Variants in UCMA observed in about 807,000 individuals in gnomAD.
UCMA encodes the protein upper zone of growth plate and cartilage matrix-associated protein.
A neutral mutation model predicts 21.8 loss-of-function variants in UCMA; 21 were observed. The observed-to-expected ratio is 0.97, with a 90% CI of 0.68 to 1.39. The LOEUF is 1.39. Among genes scored for constraint, UCMA ranks in the 40% most tolerant of loss-of-function variants. The pLI is 0.00. For missense variants in UCMA, 193 were observed against 178.9 expected, an observed-to-expected ratio of 1.08 and a Z score of -0.45; for synonymous variants, 76 against 67.9, an observed-to-expected ratio of 1.12 and a Z score of -0.58.
intron 4 of UCMA, among the ~76,000 whole-genome samples, chr10:13,226,928 T>C (rs1834830393): frequency 6.6e-6 from 1 of 152,196 alleles, no homozygotes; most frequent in Non-Finnish European, 1.5e-5. Flanking sequence ...CTAAAACATT[T>C]AAAACTGCTC....
chr10:13,229,813 A>T (rs1352509940), intron 3 of UCMA, 104 bp from the exon 4 acceptor site: 2 of 898,612 alleles, frequency 2.2e-6, no homozygotes, highest in Admixed American at 2.2e-5. Flanking sequence ...TGGTTGGGGG[A>T]TGAGTGGTTT....
chr10:13,234,345 GCC>G lies in UCMA; in HGVS notation c.-89_-88del. 1 of 1,418,142 alleles carries G rather than the reference GCC, an allele frequency of 7.1e-7. No homozygotes were observed. Among genetic ancestry groups the G allele is most frequent in the Non-Finnish European group, 9.6e-7 (1 of 1,036,734 alleles). The allele number at this position is 1,418,142 out of a possible 1,614,324, so 87.8% of individuals were successfully genotyped here. ...TGGGTCCCCACTTCTGAGGCAGGCA[GCC>G]CAGGCGAGAGGAAGGAAGGCGGGGG... On this transcript the variant is annotated 5_prime_UTR_variant, in exon 1 of 5. Coordinates refer to ENST00000378681, the MANE Select transcript of UCMA (RefSeq NM_145314.3).
Position 13,234,265 on chromosome 10 carries a change from A to G in UCMA, c.-7T>C. 6.2e-7 allele frequency: 1 copy of G among 1,613,638 alleles called. No homozygotes were observed. Among genetic ancestry groups the G allele is most frequent in the Non-Finnish European group, 8.5e-7 (1 of 1,179,916 alleles). On this transcript the variant is annotated 5_prime_UTR_variant, in exon 1 of 5. Transcript: ENST00000378681. Reference sequence around the variant, plus strand: ...CGGCCTGTCTCCAAGTCATCTTTGCAGAGGTAGGGGCTCCGTCCAGGACCC... The same window carrying G: ...CGGCCTGTCTCCAAGTCATCTTTGCGGAGGTAGGGGCTCCGTCCAGGACCC...
chr10:13,233,110 G>A (rs1338164443), intron 3 of UCMA, among the ~76,000 whole-genome samples: 1 of 152,170 alleles, frequency 6.6e-6, no homozygotes, highest in Non-Finnish European at 1.5e-5. Context: ...GTGCGATGCT[G>A]TTGCTCTTAT....
intron 4 of UCMA, 33 bp downstream of exon 4, chr10:13,229,578 C>T (rs756597511): frequency 4.1e-5 from 65 of 1,584,760 alleles, no homozygotes; most frequent in Non-Finnish European, 5.3e-5. Flanking sequence ...CAACGCTCCA[C>T]CTCCCTGAAG....
intron 3 of UCMA, 23 bp from the exon 4 acceptor site, chr10:13,229,732 A>G (rs1332624046): frequency 6.2e-7 from 1 of 1,609,028 alleles, no homozygotes. Flanking sequence ...AAGAAGCAAG[A>G]GTTGCCCCTC....
chr10:13,228,759 G>C (rs1002043910), intron 4 of UCMA, among the ~76,000 whole-genome samples: 1 of 152,040 alleles, frequency 6.6e-6, no homozygotes. Context: ...GGAGAACACA[G>C]ACCAGTGCGG....
rs551502118 is a variant in UCMA, at chr10:13,227,814, G to A, written c.319+1797C>T. ...TATGCTGGTGTGATCCCCATTAAAC[G>A]GTCCTAAGGATGTTTGCTGTGGGTG... On this transcript the variant is annotated intron_variant, in intron 4 of 4. Coordinates refer to ENST00000378681, the MANE Select transcript of UCMA (RefSeq NM_145314.3). 7.6e-5 allele frequency among the ~76,000 whole-genome samples: 11 copies of A among 144,042 alleles called. No homozygotes were observed. The South Asian group carries it at 2.0e-3, about 26-fold the overall frequency. 94.5% of individuals were successfully genotyped at this position (144,042 alleles called of 152,430 possible).
At chr10:13,228,259 G>A (rs971290874) in intron 4 of UCMA, among the ~76,000 whole-genome samples, 3 of 151,840 alleles carry the variant, frequency 2.0e-5, no homozygotes, top group Non-Finnish European at 4.4e-5. Context: ...ACAGGGTTTC[G>A]CCACATTCGC....
intron 4 of UCMA, 79 bp from the exon 5 acceptor site, chr10:13,222,279 C>A: frequency 1.4e-6 from 2 of 1,379,550 alleles, no homozygotes; most frequent in South Asian, 1.2e-5. Flanking sequence ...ATCAGCCGAA[C>A]CCCTGCCCTG....
chr10:13,225,562 C>A (rs564710766), intron 4 of UCMA, among the ~76,000 whole-genome samples: 1 of 151,156 alleles, frequency 6.6e-6, no homozygotes, highest in South Asian at 2.1e-4. Flanking sequence ...GTAATCCCAG[C>A]TACTCAGGAA....
intron 1 of UCMA, 87 bp from the exon 2 acceptor site, chr10:13,233,887 A>G: frequency 1.3e-6 from 2 of 1,541,882 alleles, no homozygotes; most frequent in Admixed American, 3.6e-5. Flanking sequence ...TTCCAGGCTA[A>G]GCGTCCTGCC....
intron 4 of UCMA, among the ~76,000 whole-genome samples, chr10:13,228,437 T>C (rs1564403072): frequency 6.6e-6 from 1 of 152,106 alleles, no homozygotes; most frequent in Non-Finnish European, 1.5e-5. Context: ...AAGAAAACCA[T>C]ATAAAAATTT....
intron 4 of UCMA, among the ~76,000 whole-genome samples, chr10:13,223,456 C>T (rs1467040413): frequency 6.6e-6 from 1 of 152,170 alleles, no homozygotes; most frequent in African/African-American, 2.4e-5. Flanking sequence ...CATTCTACAA[C>T]ATGGACAAAC....
intron 4 of UCMA, among the ~76,000 whole-genome samples, chr10:13,227,584 G>A (rs1035118448): frequency 1.3e-5 from 2 of 151,872 alleles, no homozygotes; most frequent in Admixed American, 6.6e-5. Flanking sequence ...TGGGCATAGC[G>A]GTGCACACCT....
chr10:13,231,047 A>AAAAT (rs61676106), intron 3 of UCMA, among the ~76,000 whole-genome samples: 17,603 of 146,450 alleles, frequency 0.12, 1,169 homozygotes, highest in South Asian at 0.26. Context: ...ACTCTGTCTT[A>AAAAT]AAATAAATAA....
chr10:13,233,931 A>G, intron 1 of UCMA, 131 bp from the exon 2 acceptor site: 2 of 1,168,308 alleles, frequency 1.7e-6, no homozygotes, highest in South Asian at 3.1e-5. Flanking sequence ...TTTCTCACGT[A>G]CCAGCTGCAG....
chr10:13,232,364 T>C (rs1588491711), intron 3 of UCMA, among the ~76,000 whole-genome samples: 1 of 83,504 alleles, frequency 1.2e-5, no homozygotes, highest in Non-Finnish European at 2.1e-5. Flanking sequence ...AGAGTGAGAC[T>C]CCATCTCAAA....
chr10:13,227,289 A>G (rs77923005), intron 4 of UCMA, among the ~76,000 whole-genome samples: 1,817 of 152,314 alleles, frequency 0.012, 34 homozygotes, highest in African/African-American at 0.042. Context: ...AACGGCCAGG[A>G]GAAATGAAAG....
Sources: gnomAD v4.1 joint callset for allele counts (sites outside exome capture counted in the v4.1 genomes callset) on GRCh38, gnomAD v4.1.1 for gene constraint, MANE v1.5 for transcripts, NCBI Gene and HGNC (gene_info 2026-07-23, HGNC 2026-07-21) for gene names.